Variants in DPYD observed in about 807,000 individuals in gnomAD.
The protein encoded by DPYD is dihydropyrimidine dehydrogenase, also known as dihydropyrimidine dehydrogenase [NADP(+)].
Under a neutral mutation model 116.2 loss-of-function variants are expected in DPYD, and 109 were observed. The ratio of observed to expected loss-of-function variants is 0.94; its 90% CI spans 0.80 to 1.10. DPYD has a LOEUF of 1.10. Among genes scored for constraint, DPYD ranks in the 50% least tolerant of loss-of-function variants. The probability of loss-of-function intolerance (pLI) is 0.00; values close to 1 mark genes in which losing one functional copy is unlikely to be tolerated. For missense variants in DPYD, 1,302 were observed against 1,254.5 expected (o/e 1.04, Z -0.57); for synonymous variants, 440 against 432.0 (o/e 1.02, Z -0.23).
chr1:97,645,258 T>C (rs1289457361), intron 8 of DPYD, among the ~76,000 whole-genome samples: 1 of 152,118 alleles, frequency 6.6e-6, no homozygotes, highest in Non-Finnish European at 1.5e-5. Context: ...AATAATTGTA[T>C]AGGAGTGTCT....
At chr1:97,622,424 G>T (rs567427038) in intron 8 of DPYD, among the ~76,000 whole-genome samples, 1 of 151,882 alleles carries the variant, frequency 6.6e-6, no homozygotes, top group South Asian at 2.1e-4. Flanking sequence ...CAGCTGTCAA[G>T]GTCATCAAAA....
At chr1:97,843,895 T>C (rs1034548965) in intron 2 of DPYD, among the ~76,000 whole-genome samples, 18 of 152,142 alleles carry the variant, frequency 1.2e-4, no homozygotes, top group African/African-American at 4.3e-4. Flanking sequence ...TTTTAAAATA[T>C]GAAAAAATAT....
intron 8 of DPYD, among the ~76,000 whole-genome samples, chr1:97,657,100 TG>T (rs1274391643): frequency 6.6e-6 from 1 of 151,900 alleles, no homozygotes; most frequent in Admixed American, 6.6e-5. Flanking sequence ...CCACAGTAGC[TG>T]GGATTACAGG....
chr1:97,391,377 T>C (rs1292476923), intron 14 of DPYD, among the ~76,000 whole-genome samples: 1 of 152,018 alleles, frequency 6.6e-6, no homozygotes, highest in Middle Eastern at 3.2e-3. Context: ...TGTTTCACTC[T>C]TTTGTCCCAG....
intron 12 of DPYD, among the ~76,000 whole-genome samples, chr1:97,536,565 G>A (rs527755965): frequency 1.3e-5 from 2 of 152,286 alleles, no homozygotes; most frequent in African/African-American, 2.4e-5. Context: ...ATGACATATC[G>A]ATGATGCCCT....
At chr1:97,659,720 A>G (rs1659144507) in intron 8 of DPYD, among the ~76,000 whole-genome samples, 1 of 152,180 alleles carries the variant, frequency 6.6e-6, no homozygotes. Context: ...TGAAATTTTT[A>G]AAAGTGCACA....
chr1:97,810,354 A>G (rs1023481344), intron 3 of DPYD, among the ~76,000 whole-genome samples: 15 of 151,966 alleles, frequency 9.9e-5, no homozygotes, highest in Non-Finnish European at 1.8e-4. Context: ...CTCGCTTAAT[A>G]CAACAGATGT....
At chr1:97,134,229 T>A (rs1653611078) in intron 20 of DPYD, among the ~76,000 whole-genome samples, 1 of 151,454 alleles carries the variant, frequency 6.6e-6, no homozygotes, top group Admixed American at 6.6e-5. Flanking sequence ...GGGAAGAACA[T>A]CACTTTCAAC....
chr1:97,711,002 C>A (rs1207541667), intron 5 of DPYD, among the ~76,000 whole-genome samples: 1 of 151,762 alleles, frequency 6.6e-6, no homozygotes, highest in Non-Finnish European at 1.5e-5. Context: ...ATGATTACTT[C>A]AGCAATTTAT....
At chr1:97,200,379 T>G (rs976397648) in intron 19 of DPYD, among the ~76,000 whole-genome samples, 4 of 152,146 alleles carry the variant, frequency 2.6e-5, no homozygotes, top group Admixed American at 2.6e-4. Context: ...ATTACTACAT[T>G]TAAGCAAAAA....
intron 3 of DPYD, among the ~76,000 whole-genome samples, chr1:97,742,858 T>C (rs1664342823): frequency 1.3e-5 from 2 of 152,140 alleles, no homozygotes; most frequent in South Asian, 4.1e-4. Context: ...TAAAAATATC[T>C]GCCATCACAC....
intron 20 of DPYD, among the ~76,000 whole-genome samples, chr1:97,178,335 G>A (rs867008750): frequency 6.6e-6 from 1 of 152,140 alleles, no homozygotes; most frequent in Admixed American, 6.6e-5. Flanking sequence ...ACATAACAGA[G>A]ACTGGGTAAT....
intron 13 of DPYD, among the ~76,000 whole-genome samples, chr1:97,473,682 G>A (rs1677785553): frequency 6.6e-6 from 1 of 152,106 alleles, no homozygotes; most frequent in Non-Finnish European, 1.5e-5. Context: ...ATACACTATT[G>A]GCAGTAATAT....
intron 3 of DPYD, among the ~76,000 whole-genome samples, chr1:97,752,290 T>TCACACACACACACA (rs146577982): frequency 6.9e-6 from 1 of 145,862 alleles, no homozygotes; most frequent in Non-Finnish European, 1.5e-5. Flanking sequence ...TAAACCTACT[T>TCACACACACACACA]CACACACACA....
chr1:97,799,823 G>C (rs575225159), intron 3 of DPYD, among the ~76,000 whole-genome samples: 10 of 151,996 alleles, frequency 6.6e-5, no homozygotes, highest in African/African-American at 2.4e-4. Flanking sequence ...GGGTAGCAGG[G>C]GGAAAGAAAG....
rs1044659895 is a variant in DPYD at position 97,453,403 on chromosome 1, C to T, written c.1741-3180G>A. ...TTGTCTTTTATGTTTGTCCTGTATGCTAAGAACACATCTTAACAGTATACA... is the reference window on the plus strand; with the variant it reads ...TTGTCTTTTATGTTTGTCCTGTATGTTAAGAACACATCTTAACAGTATACA... On this transcript the variant is annotated intron_variant, in intron 13 of 22. Transcript: ENST00000370192. 3.3e-5 allele frequency among the ~76,000 whole-genome samples: 5 copies of T among 152,040 alleles called. No individual in the cohort carries two copies. The East Asian group carries it at 9.7e-4, about 29-fold the overall frequency.
intron 16 of DPYD, among the ~76,000 whole-genome samples, chr1:97,350,456 C>T (rs1229079218): frequency 2.0e-5 from 3 of 152,034 alleles, no homozygotes; most frequent in African/African-American, 4.8e-5. Flanking sequence ...TATATTTACT[C>T]CTCCATATAT....
chr1:97,235,542 T>C lies in DPYD; in HGVS notation c.2300-548A>G, dbSNP rs570405057. Among the ~76,000 whole-genome samples, 9 of 152,220 alleles carry C rather than the reference T, an allele frequency of 5.9e-5. 1 individual carries two copies. Among genetic ancestry groups the C allele is most frequent in the African/African-American group, 2.2e-4 (9 of 41,534 alleles). ...GGGAGGCTGAGGCAGGAAAACTGCTTGAATCCACGAGGCGGAGGTTGCAGT... is the reference window on the plus strand; with the variant it reads ...GGGAGGCTGAGGCAGGAAAACTGCTCGAATCCACGAGGCGGAGGTTGCAGT... On this transcript the variant is annotated intron_variant, in intron 18 of 22. Coordinates refer to ENST00000370192, the MANE Select transcript of DPYD (RefSeq NM_000110.4).
chr1:97,415,018 AGCATG>A (rs1402486940), intron 14 of DPYD, among the ~76,000 whole-genome samples: 1 of 152,240 alleles, frequency 6.6e-6, no homozygotes, highest in African/African-American at 2.4e-5. Flanking sequence ...CTGTGTAAGT[AGCATG>A]GCTGTTTTTA....
Sources: allele counts gnomAD v4.1 joint callset (sites outside exome capture counted in the v4.1 genomes callset), GRCh38; gene constraint gnomAD v4.1.1; transcripts MANE v1.5; gene names NCBI Gene and HGNC (gene_info 2026-07-23, HGNC 2026-07-21).